Variants in KCNIP4 observed in about 807,000 individuals in gnomAD.
KCNIP4 encodes Kv channel-interacting protein 4.
In KCNIP4, 12 loss-of-function variants were observed where a neutral mutation model predicts 34.0. That is an observed-to-expected ratio of 0.35 (90% CI 0.23 to 0.57). The LOEUF (loss-of-function observed/expected upper bound fraction) is 0.57. Among genes scored for constraint, KCNIP4 ranks in the 20% least tolerant of loss-of-function variants. The pLI is 0.83. For synonymous variants in KCNIP4, 124 were observed against 102.2 expected, an observed-to-expected ratio of 1.21 and a Z score of -1.29; for missense variants, 238 against 311.7, an observed-to-expected ratio of 0.76 and a Z score of 1.78.
At chr4:20,842,288 G>A (rs1302994362) in intron 3 of KCNIP4, among the ~76,000 whole-genome samples, 1 of 152,154 alleles carries the variant, frequency 6.6e-6, no homozygotes, top group Non-Finnish European at 1.5e-5. Flanking sequence ...ATGAAGAAGG[G>A]AATTGTGGGA....
intron 1 of KCNIP4, among the ~76,000 whole-genome samples, chr4:21,290,011 C>T (rs1467068385): frequency 6.7e-6 from 1 of 149,984 alleles, no homozygotes; most frequent in African/African-American, 2.5e-5. Context: ...TTAGCAGGTA[C>T]AAAAAAAAAT....
At chr4:21,236,126 C>T (rs904609137) in intron 1 of KCNIP4, among the ~76,000 whole-genome samples, 9 of 152,054 alleles carry the variant, frequency 5.9e-5, no homozygotes, top group African/African-American at 1.9e-4. Context: ...AAAATCCTGC[C>T]TCTACAAGAA....
chr4:20,792,496 G>T (rs560980525), intron 3 of KCNIP4, among the ~76,000 whole-genome samples: 14 of 152,016 alleles, frequency 9.2e-5, no homozygotes, highest in Middle Eastern at 3.4e-3. Flanking sequence ...CAAATAAAAG[G>T]CAATGATTGT....
chr4:21,502,992 T>G (rs116004984), intron 1 of KCNIP4, among the ~76,000 whole-genome samples: 1,531 of 152,312 alleles, frequency 0.01, 24 homozygotes, highest in African/African-American at 0.035. Context: ...ATCTAACAGT[T>G]GTCTCAGTAG....
chr4:20,991,823 G>T (rs182386769), intron 1 of KCNIP4, among the ~76,000 whole-genome samples: 3 of 152,110 alleles, frequency 2.0e-5, no homozygotes, highest in Non-Finnish European at 2.9e-5. Context: ...CTACTTCTAG[G>T]TCTGTTCCTA....
At chr4:20,730,646 T>C (rs1016572359) in intron 8 of KCNIP4, among the ~76,000 whole-genome samples, 1 of 152,214 alleles carries the variant, frequency 6.6e-6, no homozygotes, top group Non-Finnish European at 1.5e-5. Context: ...CTGCTAGTTA[T>C]GGCTAAAGCT....
chr4:20,814,742 G>A (rs909020454), intron 3 of KCNIP4, among the ~76,000 whole-genome samples: 2 of 152,152 alleles, frequency 1.3e-5, no homozygotes, highest in Admixed American at 6.5e-5. Flanking sequence ...AGGACATCTG[G>A]ATTTGGAAAT....
chr4:21,657,822 A>G (rs188174290), intron 1 of KCNIP4, among the ~76,000 whole-genome samples: 2 of 149,724 alleles, frequency 1.3e-5, no homozygotes, highest in East Asian at 4.1e-4. Context: ...TTAGTGTTTT[A>G]TCAAATGGTT....
Position 21,591,809 on chromosome 4 carries a change from G to C in KCNIP4, c.61+356762C>G, listed in dbSNP as rs112825749. 7.5e-3 allele frequency among the ~76,000 whole-genome samples: 1,145 copies of C among 152,172 alleles called. 17 individuals carry two copies. The highest frequency in any genetic ancestry group is 0.025 in the African/African-American group (1,035 of 41,550). On this transcript the variant is annotated intron_variant, in intron 1 of 8. Transcript: ENST00000382152. ...AACATCTATCAGAAACATTCTGAAAGAGATTCCTGAATTTGTAGCAGACTG... is the reference window on the plus strand; with the variant it reads ...AACATCTATCAGAAACATTCTGAAACAGATTCCTGAATTTGTAGCAGACTG...
Position 21,102,922 on chromosome 4 carries a change from A to C in KCNIP4, c.62-220213T>G, listed in dbSNP as rs16870379. ...GGTATACTCCTTTTGAGACACCCAG[A>C]GTCTGAAAAATGTGAGTCAAACCAC... is the stretch of plus-strand genomic sequence containing the variant. On this transcript the variant is annotated intron_variant, in intron 1 of 8. Coordinates refer to ENST00000382152, the MANE Select transcript of KCNIP4 (RefSeq NM_025221.6). 5.3e-3 allele frequency among the ~76,000 whole-genome samples: 805 copies of C among 152,264 alleles called. 5 individuals are homozygous for C. Among genetic ancestry groups the C allele is most frequent in the African/African-American group, 0.017 (708 of 41,560 alleles).
At chr4:21,868,021 A>T (rs1725535667) in intron 1 of KCNIP4, among the ~76,000 whole-genome samples, 1 of 152,188 alleles carries the variant, frequency 6.6e-6, no homozygotes, top group Non-Finnish European at 1.5e-5. Context: ...AGAATTCCTT[A>T]TCTAGCCAAA....
intron 1 of KCNIP4, among the ~76,000 whole-genome samples, chr4:21,002,110 C>T (rs1171789977): frequency 6.6e-6 from 1 of 152,204 alleles, no homozygotes; most frequent in African/African-American, 2.4e-5. Context: ...ATAGGCAGCA[C>T]TGTTCAATTA....
rs191210157 is a variant in KCNIP4, at chr4:21,265,095, C to T, written c.62-382386G>A. Among the ~76,000 whole-genome samples the T allele has an allele frequency of 3.6e-3, 536 of 150,832 alleles. 2 individuals are homozygous for T. The highest frequency in any genetic ancestry group is 0.025 in the South Asian group (121 of 4,792). On this transcript the variant is annotated intron_variant, in intron 1 of 8. Coordinates refer to ENST00000382152, the MANE Select transcript of KCNIP4 (RefSeq NM_025221.6). ...GCCTGAGTGACAGAGCGAGACTCTG[C>T]CTCAAATAATAATAATAATAATAAT...
rs1215220003 is a variant in KCNIP4 at position 20,813,744 on chromosome 4, AT to A, written c.288+36798del. Among the ~76,000 whole-genome samples, 6 of 152,328 alleles carry A rather than the reference AT, an allele frequency of 3.9e-5. No homozygotes were observed. In the East Asian group the frequency reaches 9.6e-4, roughly 24 times the overall value. On this transcript the variant is annotated intron_variant, in intron 3 of 8. Transcript: ENST00000382152. Reference sequence around the variant, plus strand: ...GCAAGATGTATAAACAATTCTCACTATTAATACTAGTAAGTTTCTTCAAAGT... The same window carrying A: ...GCAAGATGTATAAACAATTCTCACTATAATACTAGTAAGTTTCTTCAAAGT...
intron 2 of KCNIP4, among the ~76,000 whole-genome samples, chr4:20,857,598 T>C (rs778913553): frequency 3.3e-5 from 5 of 152,092 alleles, no homozygotes; most frequent in Non-Finnish European, 7.4e-5. Flanking sequence ...TATATATGGG[T>C]TTCCATATAT....
At chr4:21,372,780 CAT>C in intron 1 of KCNIP4, among the ~76,000 whole-genome samples, 1 of 146,180 alleles carries the variant, frequency 6.8e-6, no homozygotes, top group Middle Eastern at 3.4e-3. Context: ...GAGGCTATCA[CAT>C]AATAATTAGA....
intron 1 of KCNIP4, among the ~76,000 whole-genome samples, chr4:21,105,184 G>A (rs1336376269): frequency 4.6e-5 from 7 of 151,516 alleles, no homozygotes; most frequent in South Asian, 2.1e-4. Context: ...AATTACCTTG[G>A]GCAGTATGGC....
intron 1 of KCNIP4, among the ~76,000 whole-genome samples, chr4:21,335,301 C>A: frequency 6.6e-6 from 1 of 151,670 alleles, no homozygotes; most frequent in African/African-American, 2.4e-5. Flanking sequence ...ACTCTTTTAC[C>A]TTAAAAAACT....
At chr4:21,598,951 T>C (rs1013242032) in intron 1 of KCNIP4, among the ~76,000 whole-genome samples, 2 of 152,116 alleles carry the variant, frequency 1.3e-5, no homozygotes, top group African/African-American at 4.8e-5. Flanking sequence ...AGACTTATCT[T>C]CAGGGAACAG....
Sources: allele counts gnomAD v4.1 joint callset (sites outside exome capture counted in the v4.1 genomes callset), GRCh38; gene constraint gnomAD v4.1.1; transcripts MANE v1.5; gene names NCBI Gene and HGNC (gene_info 2026-07-23, HGNC 2026-07-21).